Variants in IKZF2 observed in about 807,000 individuals in gnomAD.
IKZF2 encodes the protein IKAROS family zinc finger 2.
A neutral mutation model predicts 49.2 loss-of-function variants in IKZF2; 15 were observed. That is an observed-to-expected ratio of 0.30 (90% CI 0.20 to 0.47). The LOEUF (loss-of-function observed/expected upper bound fraction) is 0.47. Among genes scored for constraint, IKZF2 ranks in the 20% least tolerant of loss-of-function variants. The pLI is 1.00. For synonymous variants in IKZF2, 227 were observed against 221.4 expected (o/e 1.03, Z -0.23); for missense variants, 567 against 664.6 (o/e 0.85, Z 1.61).
chr2:213,059,802 T>C (rs1304176098), intron 4 of IKZF2, among the ~76,000 whole-genome samples: 1 of 151,468 alleles, frequency 6.6e-6, no homozygotes, highest in Non-Finnish European at 1.5e-5. Flanking sequence ...TTTAAAAGTG[T>C]GAGATATTAC....
intron 6 of IKZF2, among the ~76,000 whole-genome samples, chr2:213,036,360 C>T (rs1279983457): frequency 6.6e-6 from 1 of 152,122 alleles, no homozygotes; most frequent in Non-Finnish European, 1.5e-5. Context: ...CAAAATAAGG[C>T]CCTTAACATA....
rs1427398357 is a variant in IKZF2, at chr2:213,006,669, G to T, written c.*691C>A. The stretch of plus-strand genomic sequence containing the variant: ...CAGTCATCAAAACTATGGAAAAACA[G>T]TGCTTACGTTTAGAAAAATAAGATC... On this transcript the variant is annotated 3_prime_UTR_variant, in exon 9 of 9. Transcript: ENST00000434687. 1.3e-5 allele frequency: 2 copies of T among 152,336 alleles called. No individual in the cohort carries two copies. Among genetic ancestry groups the T allele is most frequent in the African/African-American group, 4.8e-5 (2 of 41,418 alleles). 9.4% of individuals were successfully genotyped at this position (152,336 alleles called of 1,614,324 possible).
At chr2:213,117,404 G>A (rs941971811) in intron 4 of IKZF2, among the ~76,000 whole-genome samples, 1 of 152,198 alleles carries the variant, frequency 6.6e-6, no homozygotes, top group African/African-American at 2.4e-5. Flanking sequence ...AATGAGGCAT[G>A]GAGAGGTTAA....
chr2:213,018,551 C>T (rs1005854713), intron 7 of IKZF2, among the ~76,000 whole-genome samples: 7 of 152,098 alleles, frequency 4.6e-5, no homozygotes. Context: ...AGGCATTTAT[C>T]ATGTATCCTC....
intron 6 of IKZF2, among the ~76,000 whole-genome samples, chr2:213,027,398 A>G (rs764246429): frequency 6.6e-6 from 1 of 152,168 alleles, no homozygotes; most frequent in East Asian, 1.9e-4. Context: ...TAATCGTCTC[A>G]CTTTTTATTT....
chr2:213,077,922 C>G lies in IKZF2; in HGVS notation c.140-20823G>C, dbSNP rs150798848. 5.0e-3 allele frequency among the ~76,000 whole-genome samples: 756 copies of G among 152,004 alleles called. 7 individuals are homozygous for G. The highest frequency in any genetic ancestry group is 0.017 in the African/African-American group (722 of 41,450). On this transcript the variant is annotated intron_variant, in intron 4 of 8. Transcript: ENST00000434687. ...TACTTATTTTTTTTAATCATGTTTA[C>G]ATTAGTTTGGAAGATAAAATTCTAT...
chr2:213,096,795 C>T (rs1471202350), intron 4 of IKZF2, among the ~76,000 whole-genome samples: 1 of 151,902 alleles, frequency 6.6e-6, no homozygotes, highest in Non-Finnish European at 1.5e-5. Flanking sequence ...AATGAGGTGT[C>T]AATTTAAACT....
intron 7 of IKZF2, 103 bp downstream of exon 7, chr2:213,021,884 TAAGTTA>T: frequency 8.4e-7 from 1 of 1,188,182 alleles, no homozygotes; most frequent in East Asian, 2.5e-5. Context: ...TCAACTCATT[TAAGTTA>T]AAGTGATCTA....
intron 7 of IKZF2, 118 bp downstream of exon 7, chr2:213,021,875 C>T (rs975536062): frequency 2.8e-6 from 3 of 1,067,692 alleles, no homozygotes; most frequent in Non-Finnish European, 4.0e-6. Context: ...TCCCAAAGCT[C>T]AACTCATTTA....
chr2:213,021,940 A>T, intron 7 of IKZF2, 53 bp downstream of exon 7: 3 of 1,175,628 alleles, frequency 2.6e-6, no homozygotes, highest in Non-Finnish European at 3.6e-6. Flanking sequence ...CTTCATGTTG[A>T]ACTACAAAAG....
chr2:213,076,385 A>G (rs1315959010), intron 4 of IKZF2, among the ~76,000 whole-genome samples: 3 of 152,234 alleles, frequency 2.0e-5, no homozygotes, highest in African/African-American at 7.2e-5. Flanking sequence ...AAGACAGAGA[A>G]CTATTTAAAC....
chr2:213,087,493 C>G (rs548467571), intron 4 of IKZF2, among the ~76,000 whole-genome samples: 2 of 152,128 alleles, frequency 1.3e-5, no homozygotes, highest in Non-Finnish European at 2.9e-5. Context: ...CTATCCATTA[C>G]TAATTTATTT....
At chr2:213,041,393 C>T (rs2125269344) in intron 6 of IKZF2, among the ~76,000 whole-genome samples, 1 of 152,080 alleles carries the variant, frequency 6.6e-6, no homozygotes, top group East Asian at 1.9e-4. Flanking sequence ...GTGTCCGCCT[C>T]CCGGGATCAA....
intron 4 of IKZF2, among the ~76,000 whole-genome samples, chr2:213,067,690 C>A (rs933801047): frequency 6.6e-6 from 1 of 152,028 alleles, no homozygotes. Flanking sequence ...CCAGGCACCA[C>A]GAAGCAGTAG....
Position 213,106,567 on chromosome 2 carries a change from C to T in IKZF2, c.139+41141G>A, listed in dbSNP as rs577024198. ...AGAGGATCTCTTGAGCCCAGGAGTT[C>T]GAGGCTGCCACATAAGCCATGATCA... On this transcript the variant is annotated intron_variant, in intron 4 of 8. Transcript: ENST00000434687. Among the ~76,000 whole-genome samples, 459 of 148,946 alleles carry T rather than the reference C, an allele frequency of 3.1e-3. 3 individuals are homozygous for T. The highest frequency in any genetic ancestry group is 0.01 in the African/African-American group (423 of 40,444).
At chr2:213,124,251 C>CGT (rs1253084786) in intron 4 of IKZF2, among the ~76,000 whole-genome samples, 6 of 97,282 alleles carry the variant, frequency 6.2e-5, no homozygotes, top group Admixed American at 9.2e-5. Context: ...CGCGCGCGCG[C>CGT]GCACACACAC....
At chr2:213,074,720 A>G (rs1471072240) in intron 4 of IKZF2, among the ~76,000 whole-genome samples, 1 of 152,182 alleles carries the variant, frequency 6.6e-6, no homozygotes, top group East Asian at 1.9e-4. Context: ...TCTGTTCTGT[A>G]CTTTGGTCTT....
chr2:213,067,931 A>G (rs1702311222), intron 4 of IKZF2, among the ~76,000 whole-genome samples: 1 of 152,124 alleles, frequency 6.6e-6, no homozygotes, highest in South Asian at 2.1e-4. Flanking sequence ...TAAGATCACT[A>G]ATTCAAAAAG....
chr2:213,010,825 G>A (rs1695868287), intron 8 of IKZF2, among the ~76,000 whole-genome samples: 1 of 152,070 alleles, frequency 6.6e-6, no homozygotes, highest in Non-Finnish European at 1.5e-5. Context: ...TTTGAACTTA[G>A]TCAAGTTGGA....
Sources: gnomAD v4.1 joint callset for allele counts (sites outside exome capture counted in the v4.1 genomes callset) on GRCh38, gnomAD v4.1.1 for gene constraint, MANE v1.5 for transcripts, NCBI Gene and HGNC (gene_info 2026-07-23, HGNC 2026-07-21) for gene names.